Variants in MYH15 observed in about 807,000 individuals in gnomAD.
MYH15 encodes myosin heavy chain 15.
Under a neutral mutation model 240.5 loss-of-function variants are expected in MYH15, and 227 were observed. The observed-to-expected ratio is 0.94, with a 90% CI of 0.85 to 1.05. The LOEUF (loss-of-function observed/expected upper bound fraction) is 1.05, where lower values mean the gene tolerates loss of function less well. Ranked by LOEUF, MYH15 falls within the 50% of genes least tolerant of loss-of-function variation. The pLI, the probability that MYH15 is intolerant of heterozygous loss-of-function variation, is 0.00. For synonymous variants in MYH15, 785 were observed against 796.7 expected, an observed-to-expected ratio of 0.99 and a Z score of 0.25; for missense variants, 2,217 against 2,247.5, an observed-to-expected ratio of 0.99 and a Z score of 0.27.
intron 21 of MYH15, among the ~76,000 whole-genome samples, chr3:108,453,678 A>G (rs2082994755): frequency 6.6e-6 from 1 of 152,210 alleles, no homozygotes; most frequent in Non-Finnish European, 1.5e-5. Context: ...TGTGGGATAT[A>G]TGCAAACCTT....
intron 25 of MYH15, among the ~76,000 whole-genome samples, chr3:108,436,721 T>C (rs2082840896): frequency 6.6e-6 from 1 of 152,180 alleles, no homozygotes; most frequent in South Asian, 2.1e-4. Flanking sequence ...GTATTTTTAG[T>C]AGAGATGGGG....
At chr3:108,415,760 G>A (rs1435181273) in intron 29 of MYH15, among the ~76,000 whole-genome samples, 1 of 152,150 alleles carries the variant, frequency 6.6e-6, no homozygotes, top group Non-Finnish European at 1.5e-5. Flanking sequence ...ATGGTGCCTG[G>A]TTTAAGAGGC....
intron 27 of MYH15, among the ~76,000 whole-genome samples, chr3:108,427,617 A>ACAAC (rs1553766056): frequency 0.019 from 2,297 of 122,920 alleles, 19 homozygotes; most frequent in Non-Finnish European, 0.029. Flanking sequence ...ACACACACAC[A>ACAAC]ACACACACAC....
At chr3:108,500,826 T>C (rs1331256430) in intron 3 of MYH15, among the ~76,000 whole-genome samples, 2 of 152,222 alleles carry the variant, frequency 1.3e-5, no homozygotes, top group African/African-American at 4.8e-5. Context: ...AGGTGGGTCT[T>C]GAATCCAATA....
chr3:108,457,735 T>A (rs1397141864), intron 18 of MYH15, among the ~76,000 whole-genome samples: 3 of 152,234 alleles, frequency 2.0e-5, no homozygotes, highest in Non-Finnish European at 4.4e-5. Context: ...ACAGATGATG[T>A]ATAAGAAGGC....
chr3:108,535,546 T>C, the MYH15 span, among the ~76,000 whole-genome samples: 1,061 of 152,250 alleles, frequency 7.0e-3, 5 homozygotes, highest in African/African-American at 0.024. Context: ...ATGAATCTTA[T>C]GGGAATGCAA....
rs2082586360 is a variant in MYH15, at chr3:108,410,807, A to C, written c.4271T>G (p.Leu1424Arg). 1 of 1,614,082 alleles carries C rather than the reference A, an allele frequency of 6.2e-7. No individual in the cohort carries two copies. Among genetic ancestry groups the C allele is most frequent in the Non-Finnish European group, 8.5e-7 (1 of 1,179,966 alleles). ...QLELGDALSD[L>R]GKVRSAAARL... ...GGCTGCTGCAGAGCGGACCTTCCCG[A>C]GGTCAGACAGGGCGTCCCCGAGCTC... Residue 1424 changes from leucine to arginine, a missense_variant, in exon 31 of 41, where the codon CTC (leucine) becomes CGC (arginine). By Grantham distance (102) the Leu-to-Arg change is moderately radical. Transcript: ENST00000693548.
intron 4 of MYH15, 150 bp downstream of exon 4, chr3:108,499,968 C>G: frequency 3.3e-6 from 3 of 923,010 alleles, no homozygotes; most frequent in Non-Finnish European, 4.7e-6. Flanking sequence ...CTATTTCACC[C>G]ACATTTTATC....
At chr3:108,429,789 A>G (rs1359989414) in intron 26 of MYH15, among the ~76,000 whole-genome samples, 1 of 152,202 alleles carries the variant, frequency 6.6e-6, no homozygotes, top group Non-Finnish European at 1.5e-5. Flanking sequence ...TATCAGTTCT[A>G]TAGATGAGGT....
chr3:108,529,147 G>T, intron 1 of MYH15: 1 of 892,878 alleles, frequency 1.1e-6, no homozygotes, highest in Non-Finnish European at 1.8e-6. Context: ...ATACTATCAT[G>T]TAGTAATTGG....
chr3:108,421,241 C>T, intron 27 of MYH15, 27 bp from the exon 28 acceptor site: 1 of 1,604,188 alleles, frequency 6.2e-7, no homozygotes, highest in Middle Eastern at 1.7e-4. Context: ...AAGGGCTGGT[C>T]AGGGCTCACA....
chr3:108,526,867 T>C (rs969710098), intron 1 of MYH15, among the ~76,000 whole-genome samples: 10 of 152,106 alleles, frequency 6.6e-5, no homozygotes, highest in Admixed American at 1.3e-4. Context: ...TTGACTTATT[T>C]CCATCAAAAA....
intron 20 of MYH15, 130 bp downstream of exon 20, chr3:108,455,606 G>T: frequency 9.4e-7 from 1 of 1,069,336 alleles, no homozygotes; most frequent in Non-Finnish European, 1.4e-6. Flanking sequence ...CTTCAGCTAA[G>T]ATCTGTTTGT....
At chr3:108,392,561 G>T (rs2082429590) in intron 36 of MYH15, among the ~76,000 whole-genome samples, 1 of 152,170 alleles carries the variant, frequency 6.6e-6, no homozygotes, top group Admixed American at 6.5e-5. Flanking sequence ...GTAAGAACAT[G>T]GCCCTCACAG....
intron 32 of MYH15, among the ~76,000 whole-genome samples, chr3:108,406,166 C>A (rs1006905691): frequency 2.0e-5 from 3 of 151,860 alleles, no homozygotes; most frequent in African/African-American, 7.2e-5. Context: ...TAAAACCCGT[C>A]CTGAAGCTAA....
At chr3:108,403,346 C>T (rs2082521881) in intron 33 of MYH15, among the ~76,000 whole-genome samples, 1 of 152,166 alleles carries the variant, frequency 6.6e-6, no homozygotes, top group South Asian at 2.1e-4. Context: ...CTTACCAGGT[C>T]CTGTCTTCCT....
intron 27 of MYH15, among the ~76,000 whole-genome samples, chr3:108,425,577 G>A (rs1017156528): frequency 1.3e-5 from 2 of 152,208 alleles, no homozygotes; most frequent in African/African-American, 2.4e-5. Context: ...AGGGAGGAAA[G>A]AAGTGGTTGA....
intron 30 of MYH15, among the ~76,000 whole-genome samples, chr3:108,411,587 T>C (rs2082593499): frequency 6.6e-6 from 1 of 152,312 alleles, no homozygotes; most frequent in South Asian, 2.1e-4. Flanking sequence ...GATGGAGTAA[T>C]TTATTACAGT....
intron 1 of MYH15, among the ~76,000 whole-genome samples, chr3:108,507,276 T>TATATATACAC (rs1340070501): frequency 2.0e-5 from 2 of 98,010 alleles, no homozygotes; most frequent in Non-Finnish European, 4.2e-5. Context: ...TATATATATA[T>TATATATACAC]ACACATATGA....
Sources: allele counts gnomAD v4.1 joint callset (sites outside exome capture counted in the v4.1 genomes callset), GRCh38; gene constraint gnomAD v4.1.1; transcripts MANE v1.5; gene names NCBI Gene and HGNC (gene_info 2026-07-23, HGNC 2026-07-21).